CLNK: variants seen among roughly 807,000 people sequenced by gnomAD.
CLNK encodes cytokine-dependent hematopoietic cell linker.
A neutral mutation model predicts 68.6 loss-of-function variants in CLNK; 74 were observed. The observed-to-expected ratio is 1.08, with a 90% CI of 0.89 to 1.31. CLNK has a LOEUF of 1.31. Ranked by LOEUF, CLNK falls within the 50% of genes most tolerant of loss-of-function variation. The pLI, the probability that CLNK is intolerant of heterozygous loss-of-function variation, is 0.00. For missense variants in CLNK, 553 were observed against 515.3 expected (o/e 1.07, Z -0.71); for synonymous variants, 198 against 172.2 (o/e 1.15, Z -1.17).
chr4:10,634,636 A>C (rs182407160), intron 2 of CLNK, among the ~76,000 whole-genome samples: 10 of 152,158 alleles, frequency 6.6e-5, no homozygotes, highest in African/African-American at 2.2e-4. Flanking sequence ...TGCTTCTCAG[A>C]GGCACCTCTG....
rs931705976 is a variant in CLNK, at chr4:10,599,258, A to G, written c.12-1209T>C. Among the ~76,000 whole-genome samples, 7 of 152,190 alleles carry G rather than the reference A, an allele frequency of 4.6e-5. No individual in the cohort carries two copies. The South Asian group carries it at 1.4e-3, about 32-fold the overall frequency. ...CACTCACACATGTACACAAAAAACTAAAGAACTCCAGGAAATACTTTATGA... is the reference window on the plus strand; with the variant it reads ...CACTCACACATGTACACAAAAAACTGAAGAACTCCAGGAAATACTTTATGA... On this transcript the variant is annotated intron_variant, in intron 2 of 18. Coordinates refer to ENST00000226951, the MANE Select transcript of CLNK (RefSeq NM_052964.4).
chr4:10,506,041 C>G (rs1247370550), intron 17 of CLNK, among the ~76,000 whole-genome samples: 1 of 152,026 alleles, frequency 6.6e-6, no homozygotes, highest in African/African-American at 2.4e-5. Flanking sequence ...TACTGGTTAG[C>G]TGGGGATAGG....
intron 2 of CLNK, chr4:10,598,718 C>T (rs1327180497): frequency 4.6e-6 from 2 of 431,296 alleles, no homozygotes; most frequent in Admixed American, 2.6e-5. Flanking sequence ...CATTGTTATG[C>T]ATTCCTAGTT....
At chr4:10,492,877 C>T (rs145380795) in intron 18 of CLNK, among the ~76,000 whole-genome samples, 23 of 152,320 alleles carry the variant, frequency 1.5e-4, no homozygotes, top group African/African-American at 5.5e-4. Flanking sequence ...CCCGCCTGAG[C>T]TCATTTGAAT....
At chr4:10,537,745 T>TTTTC (rs1553848211) in intron 11 of CLNK, among the ~76,000 whole-genome samples, 1 of 37,164 alleles carries the variant, frequency 2.7e-5, no homozygotes, top group Non-Finnish European at 7.0e-5. Flanking sequence ...CTTCCTTTCT[T>TTTTC]TTTCTTTCTT....
At chr4:10,670,845 C>T (rs1193437496) in intron 1 of CLNK, among the ~76,000 whole-genome samples, 2 of 152,148 alleles carry the variant, frequency 1.3e-5, no homozygotes, top group Non-Finnish European at 2.9e-5. Context: ...GAGATTCTGC[C>T]AAATTGCTAA....
chr4:10,575,726 C>T (rs756426531), intron 4 of CLNK, among the ~76,000 whole-genome samples: 24 of 152,222 alleles, frequency 1.6e-4, no homozygotes, highest in Non-Finnish European at 2.6e-4. Flanking sequence ...TGGGCAGAGA[C>T]CCCAAGGCCC....
intron 18 of CLNK, among the ~76,000 whole-genome samples, chr4:10,491,251 C>T (rs1198322159): frequency 6.6e-6 from 1 of 152,220 alleles, no homozygotes; most frequent in East Asian, 1.9e-4. Flanking sequence ...ATTGTTATCA[C>T]AACCTTTCTA....
chr4:10,601,657 G>T (rs756963887), intron 2 of CLNK, among the ~76,000 whole-genome samples: 4 of 152,148 alleles, frequency 2.6e-5, no homozygotes, highest in African/African-American at 9.7e-5. Context: ...GATGCTCAAG[G>T]TTCCCAAGTT....
At chr4:10,687,689 AG>A (rs1420141240), upstream of CLNK, among the ~76,000 whole-genome samples, 1 of 152,178 alleles carries the variant, frequency 6.6e-6, no homozygotes. Context: ...AGCAAGGAAG[AG>A]CGTGACACAG....
chr4:10,543,498 T>C (rs998126569), intron 8 of CLNK, among the ~76,000 whole-genome samples: 6 of 152,194 alleles, frequency 3.9e-5, no homozygotes, highest in African/African-American at 1.4e-4. Context: ...CTGAAGAGCT[T>C]CCTGCACTGT....
chr4:10,542,075 A>G (rs761664948), intron 9 of CLNK, 34 bp from the exon 10 acceptor site: 1 of 1,573,362 alleles, frequency 6.4e-7, no homozygotes, highest in South Asian at 1.2e-5. Context: ...AATTAAGTTT[A>G]TTGTTCTGTG....
At chr4:10,532,927 C>T (rs1346606823) in intron 11 of CLNK, among the ~76,000 whole-genome samples, 1 of 152,122 alleles carries the variant, frequency 6.6e-6, no homozygotes, top group Non-Finnish European at 1.5e-5. Context: ...CAAGAGTGCT[C>T]ATGAGTGTTA....
chr4:10,631,438 G>C (rs1722886495), intron 2 of CLNK, among the ~76,000 whole-genome samples: 1 of 152,210 alleles, frequency 6.6e-6, no homozygotes, highest in East Asian at 1.9e-4. Flanking sequence ...AGAAAGAAAT[G>C]AAATGACAGG....
At chr4:10,670,502 G>A (rs557312100) in intron 1 of CLNK, among the ~76,000 whole-genome samples, 1 of 152,336 alleles carries the variant, frequency 6.6e-6, no homozygotes, top group Non-Finnish European at 1.5e-5. Flanking sequence ...GACCACAGAT[G>A]CAGAACAGTT....
chr4:10,712,283 G>A, the CLNK span, among the ~76,000 whole-genome samples: 1 of 152,148 alleles, frequency 6.6e-6, no homozygotes, highest in Non-Finnish European at 1.5e-5. Flanking sequence ...TTTTGCTTAA[G>A]TCCCCTGCAG....
At chr4:10,638,928 G>A (rs1409334910) in intron 2 of CLNK, among the ~76,000 whole-genome samples, 1 of 152,150 alleles carries the variant, frequency 6.6e-6, no homozygotes, top group Non-Finnish European at 1.5e-5. Context: ...CAGTCACATT[G>A]GCTTAGAGGC....
chr4:10,717,034 T>A, the CLNK span, among the ~76,000 whole-genome samples: 141 of 145,536 alleles, frequency 9.7e-4, no homozygotes, highest in African/African-American at 3.4e-3. Flanking sequence ...AAAAAAAAAA[T>A]TATATTCCAC....
At chr4:10,606,374 AT>A (rs1336399640) in intron 2 of CLNK, among the ~76,000 whole-genome samples, 1 of 152,016 alleles carries the variant, frequency 6.6e-6, no homozygotes, top group African/African-American at 2.4e-5. Context: ...TGTGATATCA[AT>A]GCCTTCTTCC....
Sources: allele counts gnomAD v4.1 joint callset (sites outside exome capture counted in the v4.1 genomes callset), GRCh38; gene constraint gnomAD v4.1.1; transcripts MANE v1.5; gene names NCBI Gene and HGNC (gene_info 2026-07-23, HGNC 2026-07-21).